The following ZNF114 variants were observed in gnomAD, a reference collection of about 807,000 sequenced individuals.
ZNF114 encodes zinc finger protein 114 (Y18).
Under a neutral mutation model 6.8 loss-of-function variants are expected in ZNF114, and 8 were observed. The observed-to-expected ratio is 1.18, with a 90% confidence interval of 0.69 to 2.13. The LOEUF (loss-of-function observed/expected upper bound fraction) is 2.13, where lower values mean the gene tolerates loss of function less well. Among genes scored for constraint, ZNF114 ranks in the 30% most tolerant of loss-of-function variants. ZNF114 has a pLI of 0.00. For missense variants in ZNF114, 472 were observed against 519.5 expected, an observed-to-expected ratio of 0.91 and a Z score of 0.89; for synonymous variants, 169 against 185.5, an observed-to-expected ratio of 0.91 and a Z score of 0.72.
At chr19:48,275,336 T>A (rs1348003809) in intron 3 of ZNF114, among the ~76,000 whole-genome samples, 6 of 151,328 alleles carry the variant, frequency 4.0e-5, no homozygotes, top group Non-Finnish European at 7.4e-5. Flanking sequence ...CCCAGCACTT[T>A]GGGAGGCTGA....
At chr19:48,273,411 T>TTTC (rs1491204096) in intron 3 of ZNF114, among the ~76,000 whole-genome samples, 1 of 78,164 alleles carries the variant, frequency 1.3e-5, no homozygotes, top group East Asian at 5.8e-4. Flanking sequence ...GTTGTTTTTC[T>TTTC]TTTTCTTTTC....
intron 1 of ZNF114, among the ~76,000 whole-genome samples, chr19:48,270,684 G>A (rs895816901): frequency 8.9e-5 from 13 of 146,300 alleles, no homozygotes; most frequent in Non-Finnish European, 1.7e-4. Flanking sequence ...AAAAAAGGAA[G>A]GAAGGAGGGA....
chr19:48,273,974 A>G lies in ZNF114; in HGVS notation c.-70+2146A>G, dbSNP rs182139619. Among the ~76,000 whole-genome samples the G allele has an allele frequency of 8.4e-3, 1,276 of 151,330 alleles. 22 individuals are homozygous for G. The highest frequency in any genetic ancestry group is 0.029 in the African/African-American group (1,215 of 41,284). ...GGGTTTCACCGTGTTAGCCGGGATG[A>G]TCTTGATCTCTTGACCTCGTGATCC... On this transcript the variant is annotated intron_variant, in intron 3 of 5. Coordinates refer to ENST00000595607, the MANE Select transcript of ZNF114 (RefSeq NM_153608.4).
rs553326154 is a variant in ZNF114, at chr19:48,280,238, G to A, written c.9+430G>A. ...GTCTCTATAAATATAAAACAAATTT[G>A]CCTGGTGTGGTGGTGCACGGCTGTC... is the stretch of plus-strand genomic sequence containing the variant. On this transcript the variant is annotated intron_variant, in intron 4 of 5. Transcript: ENST00000595607. Among the ~76,000 whole-genome samples, 4 of 152,096 alleles carry A rather than the reference G, an allele frequency of 2.6e-5. No homozygotes were observed. In the East Asian group the frequency reaches 7.7e-4, roughly 29 times the overall value.
chr19:48,285,727 C>A (rs1437214233), intron 5 of ZNF114, 34 bp from the exon 6 acceptor site: 2 of 1,563,948 alleles, frequency 1.3e-6, no homozygotes, highest in South Asian at 1.2e-5. Flanking sequence ...TTACTTTCAA[C>A]AAAGAATTTA....
At position 48,286,177 on chromosome 19, in the gene ZNF114, C is replaced by T; in HGVS notation, c.553C>T (p.Gln185Ter). Residue 185 changes from glutamine to a stop codon, truncating the protein, a stop_gained, in exon 6 of 6, where the codon CAG (glutamine) becomes TAG (stop). Transcript: ENST00000595607. LOFTEE classifies it low-confidence loss of function (END_TRUNC). ...EDDGVLGWNI[Q>*]WVPCGRKTEL... ...CGATGGAGTCTTGGGGTGGAACATT[C>T]AGTGGGTTCCGTGTGGGAGAAAAAC... The T allele has an allele frequency of 1.9e-6, 3 of 1,614,142 alleles. No homozygotes were observed. Among genetic ancestry groups the T allele is most frequent in the Non-Finnish European group, 2.5e-6 (3 of 1,180,034 alleles).
Position 48,286,780 on chromosome 19 carries a change from A to G in ZNF114, c.1156A>G (p.Lys386Glu). 1.2e-6 allele frequency: 2 copies of G among 1,611,938 alleles called. No individual in the cohort carries two copies. Among genetic ancestry groups the G allele is most frequent in the Non-Finnish European group, 1.7e-6 (2 of 1,179,486 alleles). Reference sequence around the variant, plus strand: ...ACATATAAGGAGCCACACTGGAGAGAAACCCTATAAATGTAAGACATGTGG... The same window carrying G: ...ACATATAAGGAGCCACACTGGAGAGGAACCCTATAAATGTAAGACATGTGG... ...YTHIRSHTGE[K>E]PYKCKTCGKD... The change falls in exon 6 of 6, where the codon AAA becomes GAA. Residue 386 changes from lysine to glutamate, a missense_variant. Transcript: ENST00000595607.
At chr19:48,273,824 C>T (rs539303358) in intron 3 of ZNF114, among the ~76,000 whole-genome samples, 55 of 142,572 alleles carry the variant, frequency 3.9e-4, no homozygotes, top group African/African-American at 1.4e-3. Context: ...GTGGCGTTAT[C>T]TCGGCTCACT....
At chr19:48,283,250 T>G (rs540224446) in intron 5 of ZNF114, among the ~76,000 whole-genome samples, 3 of 152,192 alleles carry the variant, frequency 2.0e-5, no homozygotes, top group Non-Finnish European at 4.4e-5. Context: ...GTGAACATGG[T>G]GCACAGGAAA....
chr19:48,280,420 T>C (rs1967958939), intron 4 of ZNF114, among the ~76,000 whole-genome samples: 1 of 151,940 alleles, frequency 6.6e-6, no homozygotes, highest in Admixed American at 6.6e-5. Context: ...GAAAGTGTTT[T>C]TGTCTTAAGG....
chr19:48,286,047 A>C lies in ZNF114; in HGVS notation c.423A>C (p.Ser141=). 4 of 1,614,044 alleles carry C rather than the reference A, an allele frequency of 2.5e-6. No homozygotes were observed. Among genetic ancestry groups the C allele is most frequent in the Non-Finnish European group, 3.4e-6 (4 of 1,180,046 alleles). Residue 141 remains serine (S), a synonymous_variant, in exon 6 of 6, where the codon TCA becomes TCC. Coordinates refer to ENST00000595607, the MANE Select transcript of ZNF114 (RefSeq NM_153608.4). ...AACCTACCTGCAGGCTTGTGCCTTC[A>C]CAGGGAGATTCCATAAGACAATGTA... ...HSKPTCRLVP[S]QGDSIRQCIL...
chr19:48,286,824 G>A lies in ZNF114; in HGVS notation c.1200G>A (p.Ser400=), dbSNP rs926698131. The change falls in exon 6 of 6, where the codon TCG becomes TCA. Residue 400 remains serine, a synonymous_variant. Coordinates refer to ENST00000595607, the MANE Select transcript of ZNF114 (RefSeq NM_153608.4). ...CATGTGGAAAAGACTTTGCAAAGTC[G>A]TCAGGACTTAAAAAACATCTTAAGA... The part of the protein sequence containing the change: ...CKTCGKDFAK[S]SGLKKHLKTH... The A allele has an allele frequency of 1.1e-5, 17 of 1,590,202 alleles. No homozygotes were observed. The highest frequency in any genetic ancestry group is 2.7e-5 in the African/African-American group (2 of 73,242).
rs55976836 is a variant in ZNF114, at chr19:48,271,426, G to A, written c.-195G>A. ...CGAGGACCCAAGGCTGGGGTTTCCT[G>A]CTTGGATCAGGAGTGCCTGGGGAGT... On this transcript the variant is annotated 5_prime_UTR_variant, in exon 2 of 6. Coordinates refer to ENST00000595607, the MANE Select transcript of ZNF114 (RefSeq NM_153608.4). The A allele has an allele frequency of 0.18, 27,297 of 151,938 alleles. 2,700 individuals carry two copies. The highest frequency in any genetic ancestry group is 0.23 in the Non-Finnish European group (15,684 of 68,086). 9.4% of individuals were successfully genotyped at this position (151,938 alleles called of 1,614,324 possible). A position where few individuals can be genotyped will look rare whatever the true frequency, so the allele number is the denominator to read the frequency against.
chr19:48,276,560 C>T (rs1967840183), intron 3 of ZNF114, among the ~76,000 whole-genome samples: 1 of 152,046 alleles, frequency 6.6e-6, no homozygotes, highest in African/African-American at 2.4e-5. Context: ...CTCATTCTGT[C>T]ACCCAAGTTG....
In ZNF114 at chr19:48,286,788, T is replaced by C. The variant is rs372518336; in HGVS notation, c.1164T>C (p.Tyr388=). The change falls in exon 6 of 6, where the codon TAT becomes TAC. Residue 388 remains tyrosine, a synonymous_variant. Coordinates refer to ENST00000595607, the MANE Select transcript of ZNF114 (RefSeq NM_153608.4). ...HIRSHTGEKP[Y]KCKTCGKDFA... ...GGAGCCACACTGGAGAGAAACCCTA[T>C]AAATGTAAGACATGTGGAAAAGACT... is the stretch of plus-strand genomic sequence containing the variant. 6.2e-7 allele frequency: 1 copy of C among 1,610,534 alleles called. No homozygotes were observed. The highest frequency in any genetic ancestry group is 2.2e-5 in the East Asian group (1 of 44,864).
intron 4 of ZNF114, chr19:48,281,473 T>G (rs74174250): frequency 0.04 from 5,995 of 151,440 alleles, 220 homozygotes; most frequent in Middle Eastern, 0.13. Context: ...TTCCCTCTGT[T>G]TCCCTCCCTC....
chr19:48,282,662 G>T (rs1304514994), intron 5 of ZNF114, among the ~76,000 whole-genome samples, 165 bp downstream of exon 5: 2 of 151,372 alleles, frequency 1.3e-5, no homozygotes, highest in Non-Finnish European at 2.9e-5. Flanking sequence ...CTGGAAGTCA[G>T]TTTGTTGCAT....
chr19:48,274,506 A>ATTT (rs869126962), intron 3 of ZNF114, among the ~76,000 whole-genome samples: 2 of 17,168 alleles, frequency 1.2e-4, no homozygotes, highest in South Asian at 1.4e-3. Context: ...ATATATATAT[A>ATTT]TTTTTTTTTT....
intron 3 of ZNF114, among the ~76,000 whole-genome samples, chr19:48,273,810 T>C (rs1205590006): frequency 1.4e-5 from 2 of 145,006 alleles, no homozygotes; most frequent in Non-Finnish European, 3.0e-5. Context: ...CAGGCTGGAG[T>C]GCAGTGGCGT....
Sources: gnomAD v4.1 joint callset for allele counts (sites outside exome capture counted in the v4.1 genomes callset) on GRCh38, gnomAD v4.1.1 for gene constraint, MANE v1.5 for transcripts, NCBI Gene and HGNC (gene_info 2026-07-23, HGNC 2026-07-21) for gene names.